ZDHHC17: variants seen among roughly 807,000 people sequenced by gnomAD.
ZDHHC17 encodes the protein zDHHC palmitoyltransferase 17.
Under a neutral mutation model 90.3 loss-of-function variants are expected in ZDHHC17, and 40 were observed. The ratio of observed to expected loss-of-function variants is 0.44; its 90% confidence interval spans 0.34 to 0.58. The LOEUF (loss-of-function observed/expected upper bound fraction) is 0.58. Among genes scored for constraint, ZDHHC17 ranks in the 20% least tolerant of loss-of-function variants. The pLI is 0.01. For synonymous variants in ZDHHC17, 235 were observed against 252.4 expected, an observed-to-expected ratio of 0.93 and a Z score of 0.65; for missense variants, 614 against 780.8, an observed-to-expected ratio of 0.79 and a Z score of 2.55.
chr12:76,846,819 GA>G, intron 14 of ZDHHC17, 140 bp downstream of exon 14: 1 of 686,116 alleles, frequency 1.5e-6, no homozygotes. Flanking sequence ...GCACAAAAGG[GA>G]AAAAAGATAC....
intron 14 of ZDHHC17, among the ~76,000 whole-genome samples, chr12:76,847,105 T>C (rs1414993641): frequency 2.0e-5 from 3 of 152,276 alleles, no homozygotes; most frequent in Non-Finnish European, 4.4e-5. Flanking sequence ...AAGTAAGGTA[T>C]AATTATTGCC....
At chr12:76,801,909 A>G (rs111273540) in intron 2 of ZDHHC17, among the ~76,000 whole-genome samples, 8 of 152,358 alleles carry the variant, frequency 5.3e-5, no homozygotes, top group African/African-American at 1.7e-4. Context: ...CAAAATTACA[A>G]TAATACTAGT....
At chr12:76,849,338 A>AAAAC in intron 15 of ZDHHC17, 38 bp from the exon 16 acceptor site, 2 of 1,135,450 alleles carry the variant, frequency 1.8e-6, no homozygotes, top group South Asian at 3.0e-5. Flanking sequence ...AAAAAAAAAA[A>AAAAC]AAACAAGAAT....
At position 76,819,994 on chromosome 12, in the gene ZDHHC17, A is replaced by T. The variant is rs1261938302; in HGVS notation, c.772-2412A>T. On this transcript the variant is annotated intron_variant, in intron 7 of 16. Transcript: ENST00000426126. The stretch of plus-strand genomic sequence containing the variant: ...GGCAACAAGAGTGAAACTATGTCTT[A>T]AAAAAAAAAAAAAAAAAAAGACAAT... Among the ~76,000 whole-genome samples the T allele has an allele frequency of 2.6e-3, 53 of 20,770 alleles. 2 individuals are homozygous for T. The highest frequency in any genetic ancestry group is 2.9e-3 in the Non-Finnish European group (27 of 9,404). The allele number at this position is 20,770 out of a possible 152,430, so 13.6% of individuals were successfully genotyped here.
intron 1 of ZDHHC17, among the ~76,000 whole-genome samples, chr12:76,789,902 A>G (rs1337072546): frequency 6.6e-6 from 1 of 152,176 alleles, no homozygotes; most frequent in Admixed American, 6.5e-5. Flanking sequence ...AGAGTAGCCT[A>G]GGGAGCCATG....
At chr12:76,774,297 AATAT>A (rs879737650) in intron 1 of ZDHHC17, among the ~76,000 whole-genome samples, 1 of 83,318 alleles carries the variant, frequency 1.2e-5, no homozygotes, top group Non-Finnish European at 2.5e-5. Context: ...TATGTGTGTA[AATAT>A]ATATATATAC....
rs71085458 is a variant in ZDHHC17, at chr12:76,800,885, C to CTTTTTT, written c.197+3364_197+3369dup. The stretch of plus-strand genomic sequence containing the variant: ...AGGGACTTCTGTCATTTTGCCATTT[C>CTTTTTT]TTTTTTTTTTTTTTTTTTTTTAGAC... On this transcript the variant is annotated intron_variant, in intron 2 of 16. Coordinates refer to ENST00000426126, the MANE Select transcript of ZDHHC17 (RefSeq NM_015336.4). 2.6e-4 allele frequency among the ~76,000 whole-genome samples: 28 copies of CTTTTTT among 108,046 alleles called. 2 individuals carry two copies. Among genetic ancestry groups the CTTTTTT allele is most frequent in the East Asian group, 6.0e-4 (2 of 3,336 alleles). The allele number at this position is 108,046 out of a possible 152,430, so 70.9% of individuals were successfully genotyped here. A position where few individuals can be genotyped will look rare whatever the true frequency, so the allele number is the denominator to read the frequency against.
intron 1 of ZDHHC17, among the ~76,000 whole-genome samples, chr12:76,771,505 A>G (rs1476617636): frequency 2.6e-5 from 4 of 152,180 alleles, no homozygotes; most frequent in Non-Finnish European, 5.9e-5. Context: ...TGAAGATTAT[A>G]ACATTAACAG....
intron 15 of ZDHHC17, among the ~76,000 whole-genome samples, chr12:76,848,725 C>G (rs1329786294): frequency 1.3e-5 from 2 of 152,012 alleles, no homozygotes; most frequent in Admixed American, 6.6e-5. Flanking sequence ...TATTCAAAAG[C>G]CTTTTTTTAA....
At chr12:76,787,645 T>G (rs2045852) in intron 1 of ZDHHC17, among the ~76,000 whole-genome samples, 67,608 of 151,746 alleles carry the variant, frequency 0.45, 15,416 homozygotes, top group East Asian at 0.65. Context: ...TCTCTCTGTC[T>G]CTTGTGTGTG....
intron 1 of ZDHHC17, among the ~76,000 whole-genome samples, chr12:76,765,909 C>A (rs1952424952): frequency 6.6e-6 from 1 of 152,114 alleles, no homozygotes; most frequent in Non-Finnish European, 1.5e-5. Flanking sequence ...CCTATGTTGT[C>A]TAGGCTGGTC....
chr12:76,795,217 G>GGTGTGTGTGTGTGT (rs71085456), intron 1 of ZDHHC17, among the ~76,000 whole-genome samples: 1 of 148,636 alleles, frequency 6.7e-6, no homozygotes, highest in Non-Finnish European at 1.5e-5. Context: ...TTGGTTCATG[G>GGTGTGTGTGTGTGT]GTGTGTGTGT....
At position 76,822,140 on chromosome 12, in the gene ZDHHC17, A is replaced by G. The variant is rs562138653; in HGVS notation, c.772-266A>G. 9.5e-4 allele frequency among the ~76,000 whole-genome samples: 145 copies of G among 152,322 alleles called. 1 individual carries two copies. The highest frequency in any genetic ancestry group is 3.9e-4 in the East Asian group (2 of 5,192). ...CCTCTGATCCAGCAGGTACTAAAAT[A>G]CCTACTTTTTGATTTGCTCTCTAAT... is the stretch of plus-strand genomic sequence containing the variant. On this transcript the variant is annotated intron_variant, in intron 7 of 16. Coordinates refer to ENST00000426126, the MANE Select transcript of ZDHHC17 (RefSeq NM_015336.4).
chr12:76,811,284 G>T (rs890915312), intron 5 of ZDHHC17, among the ~76,000 whole-genome samples: 4 of 152,176 alleles, frequency 2.6e-5, no homozygotes, highest in Non-Finnish European at 4.4e-5. Context: ...TTTTTTTCTA[G>T]AACAAACGTT....
chr12:76,799,466 C>A (rs920543907), intron 2 of ZDHHC17, among the ~76,000 whole-genome samples: 8 of 152,170 alleles, frequency 5.3e-5, no homozygotes, highest in African/African-American at 1.9e-4. Flanking sequence ...ATCTTTATTA[C>A]AACTTGCTGA....
chr12:76,841,499 T>C (rs1441417571), intron 10 of ZDHHC17, among the ~76,000 whole-genome samples: 1 of 152,158 alleles, frequency 6.6e-6, no homozygotes, highest in African/African-American at 2.4e-5. Flanking sequence ...TGTGAACATA[T>C]AAACTATTTG....
chr12:76,836,760 A>G (rs1953368536), intron 10 of ZDHHC17, among the ~76,000 whole-genome samples: 1 of 152,144 alleles, frequency 6.6e-6, no homozygotes, highest in Non-Finnish European at 1.5e-5. Context: ...TCATTTATTG[A>G]GCGACCTATG....
At chr12:76,830,093 A>G (rs2137788890) in intron 10 of ZDHHC17, among the ~76,000 whole-genome samples, 1 of 152,360 alleles carries the variant, frequency 6.6e-6, no homozygotes, top group South Asian at 2.1e-4. Flanking sequence ...ACATAGAAAA[A>G]GTTCAGTCAG....
At chr12:76,849,131 A>G (rs1292007943) in intron 15 of ZDHHC17, among the ~76,000 whole-genome samples, 1 of 147,676 alleles carries the variant, frequency 6.8e-6, no homozygotes, top group African/African-American at 2.5e-5. Flanking sequence ...AAAAAAAAAA[A>G]AAAAAAAAAA....
Sources: gnomAD v4.1 joint callset for allele counts (sites outside exome capture counted in the v4.1 genomes callset) on GRCh38, gnomAD v4.1.1 for gene constraint, MANE v1.5 for transcripts, NCBI Gene and HGNC (gene_info 2026-07-23, HGNC 2026-07-21) for gene names.